Variants in SNX9 observed in about 807,000 individuals in gnomAD.
The protein encoded by SNX9 is sorting nexin 9, also known as sorting nexin-9.
A neutral mutation model predicts 89.4 loss-of-function variants in SNX9; 44 were observed. That is an observed-to-expected ratio of 0.49 (90% confidence interval 0.39 to 0.63). SNX9 has a LOEUF of 0.63. Ranked by LOEUF, SNX9 falls within the 30% of genes least tolerant of loss-of-function variation. The pLI, the probability that SNX9 is intolerant of heterozygous loss-of-function variation, is 0.00. For synonymous variants in SNX9, 236 were observed against 247.8 expected, an observed-to-expected ratio of 0.95 and a Z score of 0.45; for missense variants, 578 against 736.1, an observed-to-expected ratio of 0.79 and a Z score of 2.49.
chr6:157,932,549 C>T (rs1400953928), intron 13 of SNX9, among the ~76,000 whole-genome samples: 1 of 152,086 alleles, frequency 6.6e-6, no homozygotes, highest in Admixed American at 6.5e-5. Context: ...AGTTTCATTT[C>T]TCTGCCAAGT....
chr6:157,868,648 C>T (rs918367292), intron 2 of SNX9, among the ~76,000 whole-genome samples: 1 of 152,120 alleles, frequency 6.6e-6, no homozygotes, highest in Non-Finnish European at 1.5e-5. Context: ...TTTAATTGTC[C>T]TTTTTACATG....
intron 1 of SNX9, among the ~76,000 whole-genome samples, chr6:157,861,542 T>C (rs1782121220): frequency 6.6e-6 from 1 of 152,234 alleles, no homozygotes; most frequent in African/African-American, 2.4e-5. Context: ...GTGGGTTGAA[T>C]CTAATAGCTT....
chr6:157,921,793 A>G, intron 10 of SNX9, 132 bp downstream of exon 10: 1 of 1,049,422 alleles, frequency 9.5e-7, no homozygotes, highest in Non-Finnish European at 1.3e-6. Flanking sequence ...GTGAGGGGAC[A>G]GAAACCTAAA....
intron 17 of SNX9, among the ~76,000 whole-genome samples, chr6:157,942,416 C>T (rs1784053109): frequency 6.6e-6 from 1 of 152,196 alleles, no homozygotes; most frequent in African/African-American, 2.4e-5. Context: ...GGCGACACAA[C>T]CTTCAGGGGA....
At chr6:157,901,854 CTTTTTT>C in intron 5 of SNX9, 38 bp from the exon 6 acceptor site, 1 of 1,456,318 alleles carries the variant, frequency 6.9e-7, no homozygotes, top group Non-Finnish European at 9.3e-7. Context: ...TTATTTTGGT[CTTTTTT>C]TTTTTTTTAA....
chr6:157,925,287 A>C (rs1443569723), intron 10 of SNX9, among the ~76,000 whole-genome samples: 1 of 150,912 alleles, frequency 6.6e-6, no homozygotes, highest in Non-Finnish European at 1.5e-5. Flanking sequence ...AATACACATT[A>C]AAACCACAAT....
intron 4 of SNX9, among the ~76,000 whole-genome samples, chr6:157,877,454 A>T (rs1364370179): frequency 1.3e-5 from 2 of 152,236 alleles, no homozygotes; most frequent in Admixed American, 6.5e-5. Flanking sequence ...GCCCTCTGTT[A>T]TCTGGGATAT....
chr6:157,901,819 G>A (rs952715249), intron 5 of SNX9, 79 bp from the exon 6 acceptor site: 21 of 1,525,280 alleles, frequency 1.4e-5, no homozygotes, highest in African/African-American at 4.2e-5. Context: ...GGTAGTTACT[G>A]TCAGAAAATT....
chr6:157,926,780 CAAAAAAA>C (rs71027371), intron 10 of SNX9, among the ~76,000 whole-genome samples: 12 of 60,732 alleles, frequency 2.0e-4, no homozygotes, highest in African/African-American at 3.2e-4. Context: ...GACTCTGTCT[CAAAAAAA>C]AAAAAAAAAA....
chr6:157,846,261 A>G (rs906400770), intron 1 of SNX9, among the ~76,000 whole-genome samples: 1 of 152,140 alleles, frequency 6.6e-6, no homozygotes, highest in African/African-American at 2.4e-5. Flanking sequence ...TATTTTTCCA[A>G]CTTAACTCTC....
chr6:157,924,831 G>A (rs1313531533), intron 10 of SNX9, among the ~76,000 whole-genome samples: 2 of 152,092 alleles, frequency 1.3e-5, no homozygotes, highest in Non-Finnish European at 1.5e-5. Context: ...GAACCTGGGG[G>A]GTTTATTATA....
At chr6:157,895,055 G>T (rs1291507724) in intron 4 of SNX9, among the ~76,000 whole-genome samples, 1 of 152,196 alleles carries the variant, frequency 6.6e-6, no homozygotes, top group Non-Finnish European at 1.5e-5. Flanking sequence ...GGGGCAAAGC[G>T]ATACGTATGT....
intron 5 of SNX9, among the ~76,000 whole-genome samples, chr6:157,901,352 C>A (rs1783094142): frequency 6.6e-6 from 1 of 152,114 alleles, no homozygotes; most frequent in African/African-American, 2.4e-5. Context: ...CATGTAGTCC[C>A]GCCTGTTATT....
Position 157,909,998 on chromosome 6 carries a change from C to T in SNX9, c.922C>T (p.Pro308Ser). ...TAAGTTTGGGTCAGCCATTCCAATC[C>T]CTTCTCTTCCAGACAAACAAGTCAC... is the stretch of plus-strand genomic sequence containing the variant. The part of the protein sequence containing the change: ...LVKFGSAIPI[P>S]SLPDKQVTGR... The change falls in exon 9 of 18, where the codon CCT becomes TCT. Residue 308 changes from proline to serine, a missense_variant. By Grantham distance (74) the Pro-to-Ser change is moderately conservative. Coordinates refer to ENST00000392185, the MANE Select transcript of SNX9 (RefSeq NM_016224.5). The T allele has an allele frequency of 6.2e-7, 1 of 1,614,000 alleles. No homozygotes were observed. The highest frequency in any genetic ancestry group is 2.2e-5 in the East Asian group (1 of 44,874).
At position 157,942,102 on chromosome 6, in the gene SNX9, A is replaced by G. The variant is rs191011523; in HGVS notation, c.1741-689A>G. On this transcript the variant is annotated intron_variant, in intron 17 of 17. Coordinates refer to ENST00000392185, the MANE Select transcript of SNX9 (RefSeq NM_016224.5). ...TTCAGAATAGAAAACCATGTATTTC[A>G]TCACTGTCTTTGCATAAACCTAAGT... is the stretch of plus-strand genomic sequence containing the variant. 5.4e-4 allele frequency among the ~76,000 whole-genome samples: 83 copies of G among 152,368 alleles called. 1 individual carries two copies. Among genetic ancestry groups the G allele is most frequent in the Admixed American group, 5.4e-3 (82 of 15,306 alleles).
chr6:157,911,415 A>G (rs78359392), intron 9 of SNX9, among the ~76,000 whole-genome samples: 4,648 of 152,286 alleles, frequency 0.031, 124 homozygotes, highest in Non-Finnish European at 0.044. Flanking sequence ...CACTCGCAAG[A>G]GTCGAGAGAA....
chr6:157,867,561 T>A lies in SNX9; in HGVS notation c.27T>A (p.Tyr9Ter). 1 of 1,612,672 alleles carries A rather than the reference T, an allele frequency of 6.2e-7. No homozygotes were observed. Among genetic ancestry groups the A allele is most frequent in the Non-Finnish European group, 8.5e-7 (1 of 1,179,008 alleles). Residue 9 changes from tyrosine to a stop codon, truncating the protein, a stop_gained, in exon 2 of 18, where the codon TAT (tyrosine) becomes TAA (stop). Coordinates refer to ENST00000392185, the MANE Select transcript of SNX9 (RefSeq NM_016224.5). LOFTEE classifies it high-confidence loss of function. MATKARVMYDFAAEPGNNE... is the reference protein window; with the variant it reads MATKARVM Reference sequence around the variant, plus strand: ...ACTCCTGATAGGCTCGGGTTATGTATGATTTTGCTGCTGAACCTGGAAATA... The same window carrying A: ...ACTCCTGATAGGCTCGGGTTATGTAAGATTTTGCTGCTGAACCTGGAAATA...
intron 4 of SNX9, among the ~76,000 whole-genome samples, chr6:157,885,998 T>C (rs1448612829): frequency 6.6e-6 from 1 of 152,218 alleles, no homozygotes; most frequent in Non-Finnish European, 1.5e-5. Context: ...TTCTTAAACC[T>C]AGCCCTCCTT....
chr6:157,928,822 T>C, intron 12 of SNX9, 120 bp downstream of exon 12: 1 of 691,914 alleles, frequency 1.4e-6, no homozygotes, highest in South Asian at 2.4e-5. Context: ...TGGACGGCAG[T>C]AATGTCCCTC....
Sources: gnomAD v4.1 joint callset for allele counts (sites outside exome capture counted in the v4.1 genomes callset) on GRCh38, gnomAD v4.1.1 for gene constraint, MANE v1.5 for transcripts, NCBI Gene and HGNC (gene_info 2026-07-23, HGNC 2026-07-21) for gene names.